DCHS2: variants seen among roughly 807,000 people sequenced by gnomAD.
DCHS2 encodes the protein dachsous cadherin-related 2.
In DCHS2, 142 loss-of-function variants were observed where a neutral mutation model predicts 182.4. That is an observed-to-expected ratio of 0.78 (90% CI 0.68 to 0.89). DCHS2 has a LOEUF of 0.89. DCHS2 is among the 40% of genes least tolerant of loss of function. The pLI is 0.00. For synonymous variants in DCHS2, 1,740 were observed against 1,663.3 expected (o/e 1.05, Z -1.12); for missense variants, 4,319 against 4,198.6 (o/e 1.03, Z -0.79).
rs150239030 is a variant in DCHS2, at chr4:154,347,101, G to A, written c.2477-11997C>T. 5.0e-3 allele frequency among the ~76,000 whole-genome samples: 753 copies of A among 151,496 alleles called. 8 individuals are homozygous for A. The highest frequency in any genetic ancestry group is 0.012 in the Admixed American group (182 of 15,222). ...CTGCATCAGTACTGCACAAACAAAT[G>A]AGTGACATTTGTAACGTTTTTAATC... On this transcript the variant is annotated intron_variant, in intron 3 of 19. Coordinates refer to ENST00000357232, the MANE Select transcript of DCHS2 (RefSeq NM_001358235.2).
intron 7 of DCHS2, chr4:154,323,255 TTGTTTG>T: frequency 8.0e-7 from 1 of 1,257,590 alleles, no homozygotes; most frequent in South Asian, 1.5e-5. Flanking sequence ...AGGATTTTGT[TTGTTTG>T]TTTGTTTGTT....
intron 1 of DCHS2, among the ~76,000 whole-genome samples, chr4:154,384,731 A>T (rs572890544): frequency 3.9e-5 from 6 of 152,150 alleles, no homozygotes; most frequent in African/African-American, 1.2e-4. Flanking sequence ...CCAGGGAAGC[A>T]GAGATTGAAG....
intron 3 of DCHS2, among the ~76,000 whole-genome samples, chr4:154,360,487 A>T (rs1730069950): frequency 1.3e-5 from 2 of 152,004 alleles, no homozygotes; most frequent in Non-Finnish European, 2.9e-5. Context: ...TTAATTTTAG[A>T]CTCTGTCTTG....
At chr4:154,442,629 C>A (rs1460709554) in intron 1 of DCHS2, among the ~76,000 whole-genome samples, 1 of 145,942 alleles carries the variant, frequency 6.9e-6, no homozygotes, top group Non-Finnish European at 1.5e-5. Flanking sequence ...ATCCCTACTG[C>A]CAGTGGGCTG....
chr4:154,487,812 G>A (rs2111049603), intron 1 of DCHS2, among the ~76,000 whole-genome samples: 1 of 152,328 alleles, frequency 6.6e-6, no homozygotes, highest in East Asian at 1.9e-4. Context: ...CTTCAGGCTA[G>A]ATATATTTAC....
intron 16 of DCHS2, among the ~76,000 whole-genome samples, chr4:154,244,131 A>T (rs988169281): frequency 7.2e-5 from 11 of 152,236 alleles, no homozygotes; most frequent in Non-Finnish European, 1.6e-4. Flanking sequence ...TTCTTCTGCC[A>T]TAGCAATCAT....
At chr4:154,247,529 C>A (rs983973252) in intron 16 of DCHS2, among the ~76,000 whole-genome samples, 1 of 151,310 alleles carries the variant, frequency 6.6e-6, no homozygotes, top group Non-Finnish European at 1.5e-5. Context: ...GTAGTCCCAG[C>A]TACTTGAGAG....
chr4:154,275,903 C>A (rs1483630981), intron 13 of DCHS2, among the ~76,000 whole-genome samples: 54 of 152,050 alleles, frequency 3.6e-4, no homozygotes, highest in Non-Finnish European at 1.2e-4. Flanking sequence ...TGTTGCAAAT[C>A]AAATTTTCAT....
At position 154,366,405 on chromosome 4, in the gene DCHS2, G is replaced by C; in HGVS notation, c.2281C>G (p.Leu761Val). Reference sequence around the variant, plus strand: ...GGATGATTATCATTCACGTCCTCCAGGTCCACACGAACAAAGGCTTGGGCA... The same window carrying C: ...GGATGATTATCATTCACGTCCTCCACGTCCACACGAACAAAGGCTTGGGCA... The part of the protein sequence containing the change: ...LSAQAFVRVD[L>V]EDVNDNHPVF... The change falls in exon 3 of 20, where the codon CTG becomes GTG. Residue 761 changes from leucine (L) to valine (V), a missense_variant. Leu to Val is a conservative substitution (Grantham distance 32). Coordinates refer to ENST00000357232, the MANE Select transcript of DCHS2 (RefSeq NM_001358235.2). The C allele has an allele frequency of 6.2e-7, 1 of 1,613,758 alleles. No individual in the cohort carries two copies. Among genetic ancestry groups the C allele is most frequent in the Non-Finnish European group, 8.5e-7 (1 of 1,179,886 alleles).
At chr4:154,398,823 A>G (rs918536245) in intron 1 of DCHS2, among the ~76,000 whole-genome samples, 3 of 152,220 alleles carry the variant, frequency 2.0e-5, no homozygotes, top group Non-Finnish European at 4.4e-5. Context: ...CTAAATCTGC[A>G]TAAGCAAAAA....
Position 154,491,277 on chromosome 4 carries a change from C to A in DCHS2, c.79G>T (p.Gly27Trp). Residue 27 changes from glycine (G) to tryptophan (W), a missense_variant, in exon 1 of 20, where the codon GGG (glycine) becomes TGG (tryptophan). Gly to Trp is a radical substitution (Grantham distance 184). Coordinates refer to ENST00000357232, the MANE Select transcript of DCHS2 (RefSeq NM_001358235.2). ...APVGKLLLLPGRRDTPHGRSG... is the reference protein window; with the variant it reads ...APVGKLLLLPWRRDTPHGRSG... ...CGCCCATGGGGTGTATCTCTCCTCC[C>A]GGGGAGCAGAAGGAGCTTCCCGACC... is the stretch of plus-strand genomic sequence containing the variant. 6.5e-7 allele frequency: 1 copy of A among 1,550,050 alleles called. No individual in the cohort carries two copies. The highest frequency in any genetic ancestry group is 8.7e-7 in the Non-Finnish European group (1 of 1,146,042).
intron 9 of DCHS2, 99 bp downstream of exon 9, chr4:154,320,280 T>C (rs1736005280): frequency 3.4e-6 from 5 of 1,489,492 alleles, no homozygotes; most frequent in Non-Finnish European, 4.5e-6. Context: ...TCAACAACAA[T>C]GTATTGTACA....
chr4:154,328,743 G>A (rs1036084216), intron 6 of DCHS2, among the ~76,000 whole-genome samples: 6 of 152,150 alleles, frequency 3.9e-5, no homozygotes, highest in Admixed American at 3.9e-4. Flanking sequence ...GTGTAATGAT[G>A]ATATAATAAT....
chr4:154,491,052 A>G lies in DCHS2; in HGVS notation c.304T>C (p.Phe102Leu). 6.4e-7 allele frequency: 1 copy of G among 1,551,154 alleles called. No homozygotes were observed. The highest frequency in any genetic ancestry group is 8.7e-7 in the Non-Finnish European group (1 of 1,146,890). The change falls in exon 1 of 20, where the codon TTT (phenylalanine) becomes CTT (leucine). Residue 102 changes from phenylalanine (F) to leucine (L), a missense_variant. By Grantham distance (22) the Phe-to-Leu change is conservative (BLOSUM62 0). Transcript: ENST00000357232. ...AAQQQEGSGFFLSEDSDDSPL... is the reference protein window; with the variant it reads ...AAQQQEGSGFLLSEDSDDSPL... ...GAGTCATCGGAGTCCTCCGACAGAA[A>G]GAAGCCGCTCCCCTCCTGCTGCTGC...
chr4:154,294,123 A>G (rs1449585540), intron 13 of DCHS2, among the ~76,000 whole-genome samples: 1 of 152,202 alleles, frequency 6.6e-6, no homozygotes, highest in Non-Finnish European at 1.5e-5. Context: ...TTTCATCTTC[A>G]TATCTTAGAC....
chr4:154,450,820 T>A (rs1734501092), intron 1 of DCHS2, among the ~76,000 whole-genome samples: 1 of 151,216 alleles, frequency 6.6e-6, no homozygotes, highest in South Asian at 2.1e-4. Context: ...GAAACTCCCA[T>A]CTCAGAAAAA....
chr4:154,332,957 A>G lies in DCHS2; in HGVS notation c.3251T>C (p.Phe1084Ser). 1 of 1,614,212 alleles carries G rather than the reference A, an allele frequency of 6.2e-7. No individual in the cohort carries two copies. ...EKREHSPSWT[F>S]EHLVYQVEVS... is the part of the protein sequence containing the mutation. ...TTCCACTTGATAGACCAAATGTTCGAAAGTCCAGGATGGGCTGTGTTCGCG... is the reference window on the plus strand; with the variant it reads ...TTCCACTTGATAGACCAAATGTTCGGAAGTCCAGGATGGGCTGTGTTCGCG... Residue 1084 changes from phenylalanine (F) to serine (S), a missense_variant, in exon 5 of 20, where the codon TTC becomes TCC. Coordinates refer to ENST00000357232, the MANE Select transcript of DCHS2 (RefSeq NM_001358235.2).
intron 1 of DCHS2, among the ~76,000 whole-genome samples, chr4:154,439,707 A>G (rs1418542712): frequency 6.6e-6 from 1 of 152,200 alleles, no homozygotes; most frequent in Non-Finnish European, 1.5e-5. Context: ...CATTTTATAT[A>G]GTTAAATCTG....
In DCHS2 at chr4:154,452,869, A is replaced by G. The variant is rs546070856; in HGVS notation, c.2052+36435T>C. 2.4e-3 allele frequency among the ~76,000 whole-genome samples: 365 copies of G among 152,298 alleles called. 2 individuals are homozygous for G. Among genetic ancestry groups the G allele is most frequent in the Non-Finnish European group, 4.0e-3 (275 of 68,024 alleles). ...CTGGAAGTCCTTTTATTTGACAATC[A>G]CAAAAGCATCATCTTCAGGATAAAG... On this transcript the variant is annotated intron_variant, in intron 1 of 19. Coordinates refer to ENST00000357232, the MANE Select transcript of DCHS2 (RefSeq NM_001358235.2).
Sources: gnomAD v4.1 joint callset for allele counts (sites outside exome capture counted in the v4.1 genomes callset) on GRCh38, gnomAD v4.1.1 for gene constraint, MANE v1.5 for transcripts, NCBI Gene and HGNC (gene_info 2026-07-23, HGNC 2026-07-21) for gene names.